The following MTUS2 variants were observed in gnomAD, a reference collection of about 807,000 sequenced individuals.
The protein encoded by MTUS2 is microtubule associated scaffold protein 2.
In MTUS2, 40 loss-of-function variants were observed where a neutral mutation model predicts 114.1. That is an observed-to-expected ratio of 0.35 (90% CI 0.27 to 0.46). MTUS2 has a LOEUF of 0.46. Ranked by LOEUF, MTUS2 falls within the 20% of genes least tolerant of loss-of-function variation. The probability of loss-of-function intolerance (pLI) is 1.00; values close to 1 mark genes in which losing one functional copy is unlikely to be tolerated. For missense variants in MTUS2, 1,679 were observed against 1,705.4 expected, an observed-to-expected ratio of 0.98 and a Z score of 0.27; for synonymous variants, 688 against 672.0, an observed-to-expected ratio of 1.02 and a Z score of -0.37.
chr13:28,853,156 A>G (rs1423610441), intron 2 of MTUS2, among the ~76,000 whole-genome samples: 2 of 152,174 alleles, frequency 1.3e-5, no homozygotes, highest in African/African-American at 4.8e-5. Flanking sequence ...GAAAAGTGGG[A>G]AAGGGAGGGG....
At chr13:28,877,445 C>T (rs1253213205) in intron 2 of MTUS2, among the ~76,000 whole-genome samples, 1 of 151,976 alleles carries the variant, frequency 6.6e-6, no homozygotes, top group Non-Finnish European at 1.5e-5. Context: ...ACTTTGCTTG[C>T]ATATTACAGT....
chr13:28,820,215 G>A (rs1424560217), upstream of MTUS2: 1 of 146,774 alleles, frequency 6.8e-6, no homozygotes, highest in Non-Finnish European at 1.5e-5. Context: ...GCGTCGTGCG[G>A]GCGGCTCCGG....
At chr13:29,112,929 C>T (rs1379084491) in intron 5 of MTUS2, among the ~76,000 whole-genome samples, 1 of 152,048 alleles carries the variant, frequency 6.6e-6, no homozygotes. Context: ...CATAAAGAGG[C>T]AGGTAATGGT....
chr13:29,017,703 GAA>G (rs11369162), intron 2 of MTUS2, among the ~76,000 whole-genome samples: 1 of 145,126 alleles, frequency 6.9e-6, no homozygotes, highest in Admixed American at 6.8e-5. Context: ...TTGAAAGATT[GAA>G]AAAAAAAAAA....
At chr13:29,150,994 T>C (rs1317066704) in intron 5 of MTUS2, among the ~76,000 whole-genome samples, 1 of 152,222 alleles carries the variant, frequency 6.6e-6, no homozygotes, top group African/African-American at 2.4e-5. Context: ...GGCTTTGTTC[T>C]TTTTGCCTAA....
At chr13:28,898,962 T>G (rs1687228519) in intron 2 of MTUS2, among the ~76,000 whole-genome samples, 1 of 152,218 alleles carries the variant, frequency 6.6e-6, no homozygotes, top group African/African-American at 2.4e-5. Flanking sequence ...TACCTTTTAT[T>G]TGGCAAATAA....
At chr13:28,851,645 G>T (rs1178457944) in intron 2 of MTUS2, among the ~76,000 whole-genome samples, 1 of 152,192 alleles carries the variant, frequency 6.6e-6, no homozygotes, top group African/African-American at 2.4e-5. Flanking sequence ...CCTGAAGCAC[G>T]CACAGTTCCA....
chr13:29,280,074 T>C (rs184653093), intron 5 of MTUS2, among the ~76,000 whole-genome samples: 60 of 152,326 alleles, frequency 3.9e-4, no homozygotes, highest in African/African-American at 1.3e-3. Flanking sequence ...TGTGAAAATA[T>C]CATTCAATTC....
chr13:28,994,506 C>T (rs1351967399), intron 2 of MTUS2, among the ~76,000 whole-genome samples: 1 of 152,220 alleles, frequency 6.6e-6, no homozygotes, highest in Non-Finnish European at 1.5e-5. Context: ...AACTAGTTTA[C>T]AGTCCCACCA....
In MTUS2 at chr13:29,480,104, C is replaced by T. The variant is rs1566226376; in HGVS notation, c.3185-46C>T. On this transcript the variant is annotated intron_variant, in intron 9 of 15. Coordinates refer to ENST00000612955, the MANE Select transcript of MTUS2 (RefSeq NM_001033602.4). This position sits in a 1 kb window ranked among gnomAD's most constrained non-coding sequence, Gnocchi z 4.4. ...CATGGAGGCTGAGTCCTTCCCATGC[C>T]TCCTACGGCCATTTTTTAAAGAAAG... 2 of 1,543,340 alleles carry T rather than the reference C, an allele frequency of 1.3e-6. No individual in the cohort carries two copies. The highest frequency in any genetic ancestry group is 2.4e-5 in the South Asian group (2 of 83,030).
chr13:29,014,764 A>G (rs1437737660), intron 2 of MTUS2, among the ~76,000 whole-genome samples: 1 of 152,220 alleles, frequency 6.6e-6, no homozygotes, highest in Admixed American at 6.5e-5. Flanking sequence ...AGGCCAGGTT[A>G]AGGCTGCCAG....
intron 8 of MTUS2, among the ~76,000 whole-genome samples, chr13:29,362,584 G>C (rs1189781427): frequency 6.6e-6 from 1 of 152,164 alleles, no homozygotes; most frequent in Non-Finnish European, 1.5e-5. Context: ...CTACTTGGGA[G>C]GCTGAGGCAG....
At chr13:28,923,861 G>A (rs1021546597) in intron 2 of MTUS2, among the ~76,000 whole-genome samples, 11 of 152,166 alleles carry the variant, frequency 7.2e-5, no homozygotes, top group African/African-American at 2.7e-4. Context: ...TCTCCCTGGT[G>A]CCTGTAGGTC....
intron 5 of MTUS2, among the ~76,000 whole-genome samples, chr13:29,217,358 T>A (rs1293463780): frequency 6.6e-6 from 1 of 152,232 alleles, no homozygotes. Flanking sequence ...ACCTTGGAGA[T>A]ACTGCAGATT....
intron 14 of MTUS2, among the ~76,000 whole-genome samples, chr13:29,498,864 A>T (rs1158723539): frequency 3.3e-5 from 5 of 152,144 alleles, no homozygotes; most frequent in African/African-American, 1.2e-4. Flanking sequence ...CCTGATGCCC[A>T]GACACTGCAC....
rs137874424 is a variant in MTUS2, at chr13:29,341,624, T to G, written c.2905+16913T>G. 3.6e-4 allele frequency among the ~76,000 whole-genome samples: 55 copies of G among 152,328 alleles called. No individual in the cohort carries two copies. The East Asian group carries it at 0.01, about 29-fold the overall frequency. On this transcript the variant is annotated intron_variant, in intron 7 of 15. Coordinates refer to ENST00000612955, the MANE Select transcript of MTUS2 (RefSeq NM_001033602.4). ...TCACTCTGCTGATTATTGCATTTAC[T>G]GTGCAGAAGCTTTTTAGTTGAATTA...
rs554918541 is a variant in MTUS2, at chr13:28,982,355, AAAAG to A, written c.-242-42098_-242-42095del. Reference sequence around the variant, plus strand: ...GAGGATGGTTATTATTTAAAAAAAAAAAAGAAAATAGCAAGTGTTGATGAGAATG... The same window carrying A: ...GAGGATGGTTATTATTTAAAAAAAAAAAAATAGCAAGTGTTGATGAGAATG... On this transcript the variant is annotated intron_variant, in intron 2 of 15. Transcript: ENST00000612955. 2.4e-3 allele frequency among the ~76,000 whole-genome samples: 359 copies of A among 152,160 alleles called. 1 individual carries two copies. Among genetic ancestry groups the A allele is most frequent in the African/African-American group, 7.9e-3 (326 of 41,478 alleles).
chr13:28,842,438 C>T (rs914585808), intron 2 of MTUS2, among the ~76,000 whole-genome samples: 6 of 152,082 alleles, frequency 3.9e-5, no homozygotes, highest in African/African-American at 1.2e-4. Flanking sequence ...TTTCATGTTT[C>T]CTTATCTTTC....
At chr13:29,284,935 G>T (rs1248221386) in intron 6 of MTUS2, among the ~76,000 whole-genome samples, 1 of 152,118 alleles carries the variant, frequency 6.6e-6, no homozygotes, top group Non-Finnish European at 1.5e-5. Context: ...GAGGGAGATA[G>T]GGATCCTTGA....
Sources: gnomAD v4.1 joint callset for allele counts (sites outside exome capture counted in the v4.1 genomes callset) on GRCh38, gnomAD v4.1.1 for gene constraint, Gnocchi (gnomAD v3.1) non-coding constraint, MANE v1.5 for transcripts, NCBI Gene and HGNC (gene_info 2026-07-23, HGNC 2026-07-21) for gene names.